The following CPT1A variants were observed in gnomAD, a reference collection of about 807,000 sequenced individuals.
CPT1A encodes the protein carnitine palmitoyltransferase 1A, also known as carnitine O-palmitoyltransferase 1, liver isoform.
CPT1A carries 64 observed loss-of-function variants against 100.8 expected under a neutral mutation model. The observed-to-expected ratio is 0.63, with a 90% CI of 0.52 to 0.78. CPT1A has a LOEUF of 0.78. CPT1A is among the 30% of genes least tolerant of loss of function. The pLI is 0.00. For synonymous variants in CPT1A, 363 were observed against 396.0 expected (o/e 0.92, Z 0.99); for missense variants, 802 against 1,034.1 (o/e 0.78, Z 3.08).
At position 68,761,693 on chromosome 11, in the gene CPT1A, T is replaced by A. The variant is rs761635996; in HGVS notation, c.1876-6A>T. 2.7e-5 allele frequency: 43 copies of A among 1,613,924 alleles called. No individual in the cohort carries two copies. On this transcript the variant is annotated splice_polypyrimidine_tract_variant and splice_region_variant and intron_variant, in intron 15 of 18. Transcript: ENST00000265641. ...AACTTCAGCCTCTGTTCCACCTGAGTGACAAAAGGTGGGAAGGACATATGT... is the reference window on the plus strand; with the variant it reads ...AACTTCAGCCTCTGTTCCACCTGAGAGACAAAAGGTGGGAAGGACATATGT...
In CPT1A at chr11:68,841,722, C is replaced by A. The variant is rs1340684941; in HGVS notation, c.-14+53G>T. The stretch of plus-strand genomic sequence containing the variant: ...GCGCCCCGCCCGTCCCCGGCCCCCG[C>A]AGCCCGCAGGGCCGCCCCGCCACCC... On this transcript the variant is annotated intron_variant, in intron 1 of 18. Transcript: ENST00000265641. The surrounding 1 kb of genome is among the most constrained non-coding windows in gnomAD (Gnocchi z 6.3). The A allele has an allele frequency of 1.1e-6, 1 of 917,964 alleles. No homozygotes were observed. The highest frequency in any genetic ancestry group is 1.3e-6 in the Non-Finnish European group (1 of 768,184). The allele number at this position is 917,964 out of a possible 1,614,324, so 56.9% of individuals were successfully genotyped here. A position where few individuals can be genotyped will look rare whatever the true frequency, so the allele number is the denominator to read the frequency against.
chr11:68,768,236 C>A (rs1003276309), intron 14 of CPT1A, among the ~76,000 whole-genome samples: 2 of 149,354 alleles, frequency 1.3e-5, no homozygotes, highest in African/African-American at 5.0e-5. Flanking sequence ...CCACCGCGCC[C>A]GGCTAATTTT....
At chr11:68,773,637 C>A in intron 13 of CPT1A, 1 of 795,094 alleles carries the variant, frequency 1.3e-6, no homozygotes. Flanking sequence ...TAGCAGGTAG[C>A]GGGTCTGACA....
chr11:68,818,176 C>T (rs2154001662), intron 1 of CPT1A, among the ~76,000 whole-genome samples: 1 of 152,218 alleles, frequency 6.6e-6, no homozygotes, highest in South Asian at 2.1e-4. Flanking sequence ...GGGACAGTGA[C>T]AGTGTGGACA....
intron 1 of CPT1A, among the ~76,000 whole-genome samples, chr11:68,820,269 T>C (rs2924696): frequency 0.93 from 141,662 of 151,980 alleles, 66,342 homozygotes; most frequent in Non-Finnish European, 0.98. Flanking sequence ...TGGACTCAAG[T>C]GATCCACCCA....
chr11:68,809,074 G>A (rs955231101), intron 3 of CPT1A, among the ~76,000 whole-genome samples: 16 of 150,458 alleles, frequency 1.1e-4, no homozygotes, highest in East Asian at 7.8e-4. Context: ...TATTTAAGTG[G>A]ACAAAAACAA....
At chr11:68,802,184 C>T (rs1295010933) in intron 5 of CPT1A, among the ~76,000 whole-genome samples, 2 of 151,932 alleles carry the variant, frequency 1.3e-5, no homozygotes, top group Non-Finnish European at 2.9e-5. Context: ...TGTCCTGGAA[C>T]GAGACAGCAG....
At chr11:68,842,605 C>A (rs981386872), upstream of CPT1A, among the ~76,000 whole-genome samples, 2 of 152,136 alleles carry the variant, frequency 1.3e-5, no homozygotes, top group Non-Finnish European at 2.9e-5. Flanking sequence ...ACTTGGGGGG[C>A]TTTGGTGAGA....
chr11:68,766,826 GAAA>G (rs11306055), intron 14 of CPT1A, among the ~76,000 whole-genome samples: 6 of 138,428 alleles, frequency 4.3e-5, no homozygotes, highest in Non-Finnish European at 1.5e-5. Flanking sequence ...TATCAAGGAG[GAAA>G]AAAAAAAAAA....
intron 7 of CPT1A, among the ~76,000 whole-genome samples, chr11:68,795,395 A>G (rs1234869433): frequency 6.6e-6 from 1 of 152,224 alleles, no homozygotes; most frequent in African/African-American, 2.4e-5. Flanking sequence ...CTATGTACAC[A>G]CCATGTCCCC....
rs948615036 is a variant in CPT1A, at chr11:68,796,787, G to A, written c.771+69C>T. 3.3e-5 allele frequency: 49 copies of A among 1,483,546 alleles called. No individual in the cohort carries two copies. The East Asian group carries it at 3.8e-4, about 12-fold the overall frequency. 91.9% of individuals were successfully genotyped at this position (1,483,546 alleles called of 1,614,324 possible). On this transcript the variant is annotated intron_variant, in intron 7 of 18. Coordinates refer to ENST00000265641, the MANE Select transcript of CPT1A (RefSeq NM_001876.4). ...AGGCCGTCCACAGGCCTGTGAAGAC[G>A]CCACCTCTGTGGACAGACCCGCCGC...
chr11:68,797,460 C>T (rs1290066363), intron 6 of CPT1A, among the ~76,000 whole-genome samples: 1 of 151,966 alleles, frequency 6.6e-6, no homozygotes, highest in Non-Finnish European at 1.5e-5. Flanking sequence ...CGCTTGATGC[C>T]AGGAGTTTGA....
Position 68,841,114 on chromosome 11 carries a change from G to A in CPT1A, c.-14+661C>T, listed in dbSNP as rs1470325248. On this transcript the variant is annotated intron_variant, in intron 1 of 18. Transcript: ENST00000265641. This position sits in a 1 kb window ranked among gnomAD's most constrained non-coding sequence, Gnocchi z 6.3. ...AGGGCGGGCATGGGGAGGGGGACCGGGGAGACGGACGCTGGGATGGGGTCA... is the reference window on the plus strand; with the variant it reads ...AGGGCGGGCATGGGGAGGGGGACCGAGGAGACGGACGCTGGGATGGGGTCA... Among the ~76,000 whole-genome samples the A allele has an allele frequency of 6.6e-6, 1 of 152,266 alleles. No individual in the cohort carries two copies. Among genetic ancestry groups the A allele is most frequent in the African/African-American group, 2.4e-5 (1 of 41,474 alleles).
intron 15 of CPT1A, among the ~76,000 whole-genome samples, chr11:68,762,009 A>G (rs1161547777): frequency 6.6e-6 from 1 of 152,200 alleles, no homozygotes; most frequent in Non-Finnish European, 1.5e-5. Flanking sequence ...TCTGGGGATC[A>G]GCAGAAAGCA....
At chr11:68,828,591 T>C (rs1368234335) in intron 1 of CPT1A, among the ~76,000 whole-genome samples, 1 of 152,210 alleles carries the variant, frequency 6.6e-6, no homozygotes, top group African/African-American at 2.4e-5. Context: ...CCCAGCACGC[T>C]GGGAGAAGGG....
chr11:68,779,809 A>AC (rs1482679944), intron 12 of CPT1A, among the ~76,000 whole-genome samples: 1 of 151,392 alleles, frequency 6.6e-6, no homozygotes, highest in Non-Finnish European at 1.5e-5. Context: ...AAAAAAAAAA[A>AC]AAACAATGGT....
chr11:68,771,962 A>G (rs575903676), intron 14 of CPT1A, among the ~76,000 whole-genome samples: 68 of 152,338 alleles, frequency 4.5e-4, no homozygotes, highest in Non-Finnish European at 7.8e-4. Flanking sequence ...GTGAAGCATG[A>G]GGTACATGAT....
At chr11:68,838,384 A>G (rs1208922532) in intron 1 of CPT1A, among the ~76,000 whole-genome samples, 1 of 151,924 alleles carries the variant, frequency 6.6e-6, no homozygotes, top group African/African-American at 2.4e-5. Context: ...GATGGGGTAA[A>G]AGTTGAAATT....
intron 8 of CPT1A, 63 bp downstream of exon 8, chr11:68,794,741 T>C: frequency 1.5e-6 from 2 of 1,335,762 alleles, no homozygotes; most frequent in South Asian, 1.2e-5. Flanking sequence ...ATGTGCAATA[T>C]GTCAATTATA....
Sources: gnomAD v4.1 joint callset for allele counts (sites outside exome capture counted in the v4.1 genomes callset) on GRCh38, gnomAD v4.1.1 for gene constraint, Gnocchi (gnomAD v3.1) non-coding constraint, MANE v1.5 for transcripts, NCBI Gene and HGNC (gene_info 2026-07-23, HGNC 2026-07-21) for gene names.